The following SDHC variants were observed in gnomAD, a reference collection of about 807,000 sequenced individuals.
The protein encoded by SDHC is succinate dehydrogenase complex subunit C.
SDHC carries 11 observed loss-of-function variants against 22.6 expected under a neutral mutation model. The ratio of observed to expected loss-of-function variants is 0.49; its 90% CI spans 0.31 to 0.81. The LOEUF is 0.81. Among genes scored for constraint, SDHC ranks in the 30% least tolerant of loss-of-function variants. The pLI, the probability that SDHC is intolerant of heterozygous loss-of-function variation, is 0.05. For synonymous variants in SDHC, 80 were observed against 77.8 expected, an observed-to-expected ratio of 1.03 and a Z score of -0.15; for missense variants, 160 against 212.0, an observed-to-expected ratio of 0.75 and a Z score of 1.52.
At chr1:161,351,349 TGAGATCTCTTGA>T (rs1672091370) in intron 4 of SDHC, among the ~76,000 whole-genome samples, 1 of 152,222 alleles carries the variant, frequency 6.6e-6, no homozygotes, top group African/African-American at 2.4e-5. Context: ...TTGTCATCTT[TGAGATCTCTTGA>T]GAGATCTTGT....
intron 4 of SDHC, among the ~76,000 whole-genome samples, chr1:161,345,021 C>T (rs948471631): frequency 4.6e-5 from 7 of 152,210 alleles, no homozygotes; most frequent in Admixed American, 2.0e-4. Flanking sequence ...AATCATGTCA[C>T]TCCCTTCCTT....
intron 3 of SDHC, chr1:161,339,662 G>GTTTTTT (rs532317918): frequency 0.01 from 527 of 51,660 alleles, 155 homozygotes; most frequent in East Asian, 0.02. Context: ...TGATACAGGT[G>GTTTTTT]TTTTTTTTTT....
intron 4 of SDHC, among the ~76,000 whole-genome samples, chr1:161,348,872 A>G (rs1172107855): frequency 6.6e-6 from 1 of 151,476 alleles, no homozygotes. Flanking sequence ...AGGATTTTTC[A>G]TAGTGACAGA....
chr1:161,357,544 C>T (rs1239769285), intron 5 of SDHC, among the ~76,000 whole-genome samples: 3 of 150,414 alleles, frequency 2.0e-5, no homozygotes, highest in African/African-American at 7.4e-5. Context: ...GGACTACAGG[C>T]GCCTCCCACC....
chr1:161,352,169 A>G (rs1672119252), intron 4 of SDHC, among the ~76,000 whole-genome samples: 1 of 152,264 alleles, frequency 6.6e-6, no homozygotes, highest in South Asian at 2.1e-4. Context: ...CTGATGCCCA[A>G]TATACTGAAC....
chr1:161,337,030 C>T (rs959984286), intron 3 of SDHC, among the ~76,000 whole-genome samples: 10 of 150,688 alleles, frequency 6.6e-5, no homozygotes, highest in South Asian at 2.1e-4. Context: ...CCACCATGTC[C>T]GGCTAATGTT....
intron 3 of SDHC, among the ~76,000 whole-genome samples, chr1:161,331,303 A>C (rs1032903140): frequency 6.6e-6 from 1 of 151,418 alleles, no homozygotes; most frequent in Non-Finnish European, 1.5e-5. Flanking sequence ...AGTCTCACCC[A>C]GTCACCCAGG....
chr1:161,328,437 G>T lies in SDHC; in HGVS notation c.119G>T (p.Arg40Leu), dbSNP rs772450693. The T allele has an allele frequency of 6.2e-7, 1 of 1,613,862 alleles. No individual in the cohort carries two copies. Among genetic ancestry groups the T allele is most frequent in the African/African-American group, 1.3e-5 (1 of 75,024 alleles). ...ACCACGGCCAAAGAAGAGATGGAGCGGTTCTGGAATAAGAATATAGGTTCA... is the reference window on the plus strand; with the variant it reads ...ACCACGGCCAAAGAAGAGATGGAGCTGTTCTGGAATAAGAATATAGGTTCA... ...LGTTAKEEME[R>L]FWNKNIGSNR... Residue 40 changes from arginine (R) to leucine (L), a missense_variant, in exon 3 of 6, where the codon CGG (arginine) becomes CTG (leucine). By Grantham distance (102) the Arg-to-Leu change is moderately radical. Around this residue, in one of 2 missense-constraint regions of SDHC, gnomAD observed 86 missense variants for 83.4 expected, o/e 1.03. Transcript: ENST00000367975.
intron 4 of SDHC, among the ~76,000 whole-genome samples, chr1:161,351,111 G>GTGC (rs1172239557): frequency 1.3e-5 from 2 of 152,214 alleles, no homozygotes; most frequent in African/African-American, 2.4e-5. Context: ...AGTGTGTGTG[G>GTGC]TGCACGTGTG....
At chr1:161,338,081 GGT>G (rs1671563203) in intron 3 of SDHC, among the ~76,000 whole-genome samples, 1 of 152,076 alleles carries the variant, frequency 6.6e-6, no homozygotes, top group Non-Finnish European at 1.5e-5. Flanking sequence ...GCTCCTTCTG[GGT>G]TTCGGTCTCC....
Position 161,356,747 on chromosome 1 carries a change from G to C in SDHC, c.312G>C (p.Lys104Asn). 1 of 1,613,872 alleles carries C rather than the reference G, an allele frequency of 6.2e-7. No individual in the cohort carries two copies. Among genetic ancestry groups the C allele is most frequent in the Non-Finnish European group, 8.5e-7 (1 of 1,179,932 alleles). The change falls in exon 5 of 6, where the codon AAG becomes AAC. Residue 104 changes from lysine (K) to asparagine (N), a missense_variant. Lys to Asn is a moderately conservative substitution (Grantham distance 94). This residue lies in a region of SDHC where 74 missense variants were observed against 128.6 expected (regional missense o/e 0.58). Transcript: ENST00000367975. ...GNFESYLELV[K>N]SLCLGPALIH... is the part of the protein sequence containing the mutation. ...TTGAGTCTTATTTGGAACTTGTGAA[G>C]TCCCTGTGTCTGGGGCCAGCACTGA...
chr1:161,348,574 A>C (rs559962297), intron 4 of SDHC, among the ~76,000 whole-genome samples: 23 of 149,160 alleles, frequency 1.5e-4, no homozygotes, highest in Non-Finnish European at 2.8e-4. Context: ...TAATCCCAGC[A>C]CTTTGGGAGG....
intron 4 of SDHC, among the ~76,000 whole-genome samples, chr1:161,351,852 T>C (rs1672109927): frequency 6.6e-6 from 1 of 152,220 alleles, no homozygotes; most frequent in Non-Finnish European, 1.5e-5. Flanking sequence ...TGAAGGCTCT[T>C]TTAGATGTTT....
rs552697619 is a variant in SDHC, at chr1:161,346,555, C to T, written c.241+5900C>T. Among the ~76,000 whole-genome samples, 6 of 152,132 alleles carry T rather than the reference C, an allele frequency of 3.9e-5. No individual in the cohort carries two copies. In the East Asian group the frequency reaches 5.8e-4, roughly 15 times the overall value. On this transcript the variant is annotated intron_variant, in intron 4 of 5. Coordinates refer to ENST00000367975, the MANE Select transcript of SDHC (RefSeq NM_003001.5). ...CTGGGATTACAGGCATGCACCACCA[C>T]GCCTGGCTAATTTTGTATTTTTAGT...
chr1:161,323,618 G>T lies in SDHC; in HGVS notation c.25G>T (p.Val9Phe), dbSNP rs774768866. The T allele has an allele frequency of 6.2e-7, 1 of 1,613,104 alleles. No homozygotes were observed. The highest frequency in any genetic ancestry group is 1.7e-5 in the Admixed American group (1 of 60,008). MAALLLRH[V>F]GRHCLRAHFS... is the part of the protein sequence containing the mutation. ...TTTGATTCTCTTATCTTGCAGACAC[G>T]TTGGTCGTCATTGCCTCCGAGCCCA... The change falls in exon 2 of 6, where the codon GTT (valine) becomes TTT (phenylalanine). Residue 9 changes from valine to phenylalanine, a missense_variant. Physicochemically the swap from Val to Phe is conservative, Grantham distance 50. This residue lies in a region of SDHC where 86 missense variants were observed against 83.4 expected (regional missense o/e 1.03). Transcript: ENST00000367975.
intron 1 of SDHC, among the ~76,000 whole-genome samples, chr1:161,316,106 C>T (rs554767859): frequency 6.6e-6 from 1 of 152,152 alleles, no homozygotes; most frequent in African/African-American, 2.4e-5. Context: ...ATGGAATATA[C>T]AATCGGGTTT....
chr1:161,355,115 A>G (rs1201464042), intron 4 of SDHC, among the ~76,000 whole-genome samples: 3 of 152,220 alleles, frequency 2.0e-5, no homozygotes, highest in Non-Finnish European at 4.4e-5. Context: ...CAGCCCTGTC[A>G]GACATTAAAA....
intron 4 of SDHC, among the ~76,000 whole-genome samples, chr1:161,348,960 T>G (rs1004625819): frequency 1.3e-5 from 2 of 151,910 alleles, no homozygotes; most frequent in African/African-American, 4.8e-5. Flanking sequence ...ATAGCTGAAG[T>G]TGCAATAATG....
intron 4 of SDHC, among the ~76,000 whole-genome samples, chr1:161,351,850 CT>C (rs1218972965): frequency 1.3e-5 from 2 of 152,136 alleles, no homozygotes; most frequent in Non-Finnish European, 2.9e-5. Context: ...CATGAAGGCT[CT>C]TTTAGATGTT....
Sources: allele counts gnomAD v4.1 joint callset (sites outside exome capture counted in the v4.1 genomes callset), GRCh38; gene constraint gnomAD v4.1.1; regional missense constraint gnomAD v4.1.1; transcripts MANE v1.5; gene names NCBI Gene and HGNC (gene_info 2026-07-23, HGNC 2026-07-21).